The following NKAIN2 variants were observed in gnomAD, a reference collection of about 807,000 sequenced individuals.
NKAIN2 encodes sodium/potassium transporting ATPase interacting 2.
In NKAIN2, 14 loss-of-function variants were observed where a neutral mutation model predicts 32.6. The observed-to-expected ratio is 0.43, with a 90% CI of 0.28 to 0.67. The LOEUF is 0.67. Ranked by LOEUF, NKAIN2 falls within the 30% of genes least tolerant of loss-of-function variation. The pLI is 0.17. For synonymous variants in NKAIN2, 80 were observed against 87.2 expected (o/e 0.92, Z 0.46); for missense variants, 198 against 258.3 (o/e 0.77, Z 1.60).
chr6:123,881,241 C>T (rs1267192682), intron 1 of NKAIN2, among the ~76,000 whole-genome samples: 3 of 152,118 alleles, frequency 2.0e-5, no homozygotes, highest in South Asian at 2.1e-4. Context: ...AGGCTGGTCT[C>T]GAACTCCTGA....
chr6:123,836,815 G>A (rs1026070878), intron 1 of NKAIN2, among the ~76,000 whole-genome samples: 14 of 152,096 alleles, frequency 9.2e-5, no homozygotes, highest in Admixed American at 2.0e-4. Context: ...GAACTCTACT[G>A]TCTTTGCAAC....
chr6:124,018,862 A>G (rs1271804050), intron 1 of NKAIN2, among the ~76,000 whole-genome samples: 1 of 152,084 alleles, frequency 6.6e-6, no homozygotes, highest in Non-Finnish European at 1.5e-5. Context: ...TTACAGCAGT[A>G]CCCCTTTCTA....
intron 3 of NKAIN2, among the ~76,000 whole-genome samples, chr6:124,520,064 C>T (rs75485413): frequency 0.03 from 4,612 of 152,240 alleles, 117 homozygotes; most frequent in Non-Finnish European, 0.042. Flanking sequence ...CAGATGCAAG[C>T]CTGTCTGCCT....
chr6:124,079,176 G>C (rs1400291628), intron 1 of NKAIN2, among the ~76,000 whole-genome samples: 2 of 151,968 alleles, frequency 1.3e-5, no homozygotes, highest in East Asian at 3.9e-4. Flanking sequence ...ACAAAAATTA[G>C]GCGTGATGGC....
intron 3 of NKAIN2, among the ~76,000 whole-genome samples, chr6:124,415,399 T>A (rs76257228): frequency 6.6e-6 from 1 of 152,330 alleles, no homozygotes; most frequent in African/African-American, 2.4e-5. Context: ...AAGAGATGGA[T>A]AAGGCGAGGC....
chr6:124,413,060 G>T (rs1774286848), intron 3 of NKAIN2, among the ~76,000 whole-genome samples: 1 of 152,132 alleles, frequency 6.6e-6, no homozygotes, highest in African/African-American at 2.4e-5. Flanking sequence ...CGATTTTCCA[G>T]GTGCTGTCTG....
At chr6:124,805,071 A>C (rs1258561997) in intron 5 of NKAIN2, among the ~76,000 whole-genome samples, 1 of 152,322 alleles carries the variant, frequency 6.6e-6, no homozygotes, top group East Asian at 1.9e-4. Context: ...GGCAGGGCAC[A>C]GACAAAAAGA....
rs567017235 is a variant in NKAIN2 at position 124,291,172 on chromosome 6, AT to A, written c.192+8037del. ...GGTGCAGAATTCAGGGTTGAAAATC[AT>A]TTTTTTCTTAGAACACTGAAGTAAT... is the stretch of plus-strand genomic sequence containing the variant. On this transcript the variant is annotated intron_variant, in intron 2 of 6. Transcript: ENST00000368417. Among the ~76,000 whole-genome samples, 426 of 152,148 alleles carry A rather than the reference AT, an allele frequency of 2.8e-3. 4 individuals are homozygous for A. The highest frequency in any genetic ancestry group is 0.017 in the Middle Eastern group (5 of 294).
chr6:123,891,574 T>A (rs1454544613), intron 1 of NKAIN2, among the ~76,000 whole-genome samples: 1 of 152,188 alleles, frequency 6.6e-6, no homozygotes, highest in Non-Finnish European at 1.5e-5. Context: ...CAAACATTGG[T>A]GCTTATTCCC....
chr6:124,143,257 A>G (rs1787229627), intron 1 of NKAIN2, among the ~76,000 whole-genome samples: 1 of 152,178 alleles, frequency 6.6e-6, no homozygotes, highest in Non-Finnish European at 1.5e-5. Flanking sequence ...CATGAGAATG[A>G]GACTAGCCTG....
intron 4 of NKAIN2, among the ~76,000 whole-genome samples, chr6:124,786,022 G>A (rs978968684): frequency 2.6e-5 from 4 of 152,048 alleles, no homozygotes; most frequent in Non-Finnish European, 4.4e-5. Flanking sequence ...CTATGGTGTT[G>A]GCTAAAACAA....
chr6:124,438,259 TATA>T (rs1019098715), intron 3 of NKAIN2, among the ~76,000 whole-genome samples: 1 of 151,502 alleles, frequency 6.6e-6, no homozygotes, highest in Non-Finnish European at 1.5e-5. Flanking sequence ...TTTCTGCTTC[TATA>T]ATGTTTTTTT....
At chr6:123,812,679 A>G (rs9490940) in intron 1 of NKAIN2, among the ~76,000 whole-genome samples, 4,451 of 152,314 alleles carry the variant, frequency 0.029, 240 homozygotes, top group African/African-American at 0.1. Flanking sequence ...TCTGTATCCT[A>G]CATCTCTAGG....
intron 1 of NKAIN2, among the ~76,000 whole-genome samples, chr6:123,826,408 A>G (rs1365026354): frequency 6.6e-6 from 1 of 152,148 alleles, no homozygotes; most frequent in Admixed American, 6.6e-5. Flanking sequence ...TGTACAATTC[A>G]GTGTCATTAA....
rs539121278 is a variant in NKAIN2, at chr6:123,875,639, G to A, written c.54+71385G>A. Among the ~76,000 whole-genome samples the A allele has an allele frequency of 3.3e-5, 5 of 151,842 alleles. No individual in the cohort carries two copies. The East Asian group carries it at 9.7e-4, about 29-fold the overall frequency. Reference sequence around the variant, plus strand: ...GTTATTGATATAGAGAGGTTTTAAGGTTTATATAATTAAACCTATTTGCCT... The same window carrying A: ...GTTATTGATATAGAGAGGTTTTAAGATTTATATAATTAAACCTATTTGCCT... On this transcript the variant is annotated intron_variant, in intron 1 of 6. Transcript: ENST00000368417.
intron 3 of NKAIN2, among the ~76,000 whole-genome samples, chr6:124,472,227 T>A (rs1164672809): frequency 1.3e-5 from 2 of 152,170 alleles, no homozygotes; most frequent in Non-Finnish European, 2.9e-5. Flanking sequence ...ATACATTAGA[T>A]GAATTTTTGG....
At chr6:124,289,280 AC>A (rs553319836) in intron 2 of NKAIN2, among the ~76,000 whole-genome samples, 40 of 152,268 alleles carry the variant, frequency 2.6e-4, no homozygotes, top group African/African-American at 7.9e-4. Flanking sequence ...TTAACGTGAT[AC>A]ATATGGTAGT....
chr6:124,067,457 G>A (rs1035481563), intron 1 of NKAIN2, among the ~76,000 whole-genome samples: 2 of 152,104 alleles, frequency 1.3e-5, no homozygotes, highest in South Asian at 2.1e-4. Flanking sequence ...TCACTTGGAC[G>A]GACTCATATG....
At chr6:124,091,368 C>G (rs1784411747) in intron 1 of NKAIN2, among the ~76,000 whole-genome samples, 1 of 151,844 alleles carries the variant, frequency 6.6e-6, no homozygotes, top group African/African-American at 2.4e-5. Context: ...AGTCAATACA[C>G]ATATTTATAT....
Sources: gnomAD v4.1 joint callset for allele counts (sites outside exome capture counted in the v4.1 genomes callset) on GRCh38, gnomAD v4.1.1 for gene constraint, MANE v1.5 for transcripts, NCBI Gene and HGNC (gene_info 2026-07-23, HGNC 2026-07-21) for gene names.